Variants in ACSS3 observed in about 807,000 individuals in gnomAD.
ACSS3 encodes acyl-CoA synthetase short chain family member 3.
Under a neutral mutation model 84.2 loss-of-function variants are expected in ACSS3, and 64 were observed. The ratio of observed to expected loss-of-function variants is 0.76; its 90% CI spans 0.62 to 0.94. The LOEUF (loss-of-function observed/expected upper bound fraction) is 0.94, where lower values mean the gene tolerates loss of function less well. ACSS3 is among the 40% of genes least tolerant of loss of function. The pLI, the probability that ACSS3 is intolerant of heterozygous loss-of-function variation, is 0.00. For synonymous variants in ACSS3, 317 were observed against 310.1 expected (o/e 1.02, Z -0.23); for missense variants, 815 against 867.6 (o/e 0.94, Z 0.76).
intron 7 of ACSS3, among the ~76,000 whole-genome samples, chr12:81,160,434 GA>G (rs1414075222): frequency 5.3e-5 from 8 of 152,190 alleles, no homozygotes; most frequent in Admixed American, 5.2e-4. Context: ...GAAAGGTGAG[GA>G]TTTAAAATTC....
chr12:81,165,966 C>G (rs1209214935), intron 7 of ACSS3, among the ~76,000 whole-genome samples: 1 of 152,122 alleles, frequency 6.6e-6, no homozygotes, highest in Non-Finnish European at 1.5e-5. Flanking sequence ...ATTATAAGTA[C>G]AAACTCATGA....
At chr12:81,151,540 G>C (rs979869681) in intron 5 of ACSS3, 4 of 235,410 alleles carry the variant, frequency 1.7e-5, no homozygotes, top group Non-Finnish European at 3.3e-5. Context: ...TTGATAATGT[G>C]TGGTGCCATT....
chr12:81,137,625 T>C (rs1264846827), intron 3 of ACSS3, among the ~76,000 whole-genome samples: 3 of 152,152 alleles, frequency 2.0e-5, no homozygotes, highest in Non-Finnish European at 4.4e-5. Flanking sequence ...AGATCTCCCA[T>C]AAGACTGTTA....
Position 81,214,788 on chromosome 12 carries a change from T to A in ACSS3, c.1355-2113T>A, listed in dbSNP as rs1921059. ...TCATGAGAATCCACACTGTAAGAAC[T>A]GTAGAGAGTTTGAACTCTAGGTAAC... On this transcript the variant is annotated intron_variant, in intron 9 of 15. Transcript: ENST00000548058. 2.0e-3 allele frequency among the ~76,000 whole-genome samples: 300 copies of A among 152,040 alleles called. 1 individual carries two copies. Among genetic ancestry groups the A allele is most frequent in the African/African-American group, 6.8e-3 (280 of 41,452 alleles).
chr12:81,170,873 G>T (rs1373689090), intron 7 of ACSS3, among the ~76,000 whole-genome samples: 1 of 152,050 alleles, frequency 6.6e-6, no homozygotes, highest in Non-Finnish European at 1.5e-5. Flanking sequence ...CTATGTGTGT[G>T]TGCGTGTGCA....
At chr12:81,129,822 G>A (rs542676421) in intron 2 of ACSS3, among the ~76,000 whole-genome samples, 264 of 127,714 alleles carry the variant, frequency 2.1e-3, no homozygotes, top group African/African-American at 7.9e-3. Context: ...TCCCCGCCCT[G>A]TGTCCAAGTG....
intron 1 of ACSS3, among the ~76,000 whole-genome samples, chr12:81,088,306 A>T (rs1260396194): frequency 6.6e-6 from 1 of 152,068 alleles, no homozygotes; most frequent in Non-Finnish European, 1.5e-5. Flanking sequence ...TTTGCAAGTT[A>T]CTGAGATTTT....
chr12:81,153,932 C>T (rs1398229935), intron 7 of ACSS3, among the ~76,000 whole-genome samples: 3 of 152,192 alleles, frequency 2.0e-5, no homozygotes, highest in Non-Finnish European at 4.4e-5. Flanking sequence ...TCATATACTA[C>T]TCTACACTTT....
chr12:81,196,671 A>G (rs2031848233), intron 8 of ACSS3, among the ~76,000 whole-genome samples: 1 of 152,084 alleles, frequency 6.6e-6, no homozygotes, highest in Non-Finnish European at 1.5e-5. Flanking sequence ...TGCAGACTGT[A>G]CAAGAAGCAA....
Position 81,078,160 on chromosome 12 carries a change from G to A in ACSS3, c.40G>A (p.Ala14Thr), listed in dbSNP as rs758825322. The change falls in exon 1 of 16, where the codon GCC (alanine) becomes ACC (threonine). Residue 14 changes from alanine (A) to threonine (T), a missense_variant. Transcript: ENST00000548058. ...SWLQCRKVTS[A>T]GGLGGPLPGS... ...GCTGCAGTGTCGTAAAGTCACCAGC[G>A]CCGGGGGGCTCGGAGGGCCCTTGCC... 4.0e-6 allele frequency: 6 copies of A among 1,516,560 alleles called. No individual in the cohort carries two copies. In the South Asian group the frequency reaches 6.2e-5, roughly 16 times the overall value. 93.9% of individuals were successfully genotyped at this position (1,516,560 alleles called of 1,614,324 possible). A position where few individuals can be genotyped will look rare whatever the true frequency, so the allele number is the denominator to read the frequency against.
At chr12:81,205,317 C>T (rs1353896076) in intron 9 of ACSS3, among the ~76,000 whole-genome samples, 1 of 152,042 alleles carries the variant, frequency 6.6e-6, no homozygotes, top group African/African-American at 2.4e-5. Context: ...CATAGCTTGG[C>T]AAGTTAGAAT....
At chr12:81,236,166 TATGA>T (rs2033624281) in intron 13 of ACSS3, among the ~76,000 whole-genome samples, 2 of 151,492 alleles carry the variant, frequency 1.3e-5, no homozygotes, top group Non-Finnish European at 3.0e-5. Flanking sequence ...TATTTTTAAT[TATGA>T]ATGAATGTTG....
intron 1 of ACSS3, among the ~76,000 whole-genome samples, chr12:81,087,627 C>T (rs559351710): frequency 2.4e-4 from 37 of 151,974 alleles, no homozygotes; most frequent in Non-Finnish European, 4.4e-4. Flanking sequence ...TCCACTTTTG[C>T]GCTAATCTCA....
At chr12:81,130,071 T>A (rs1885390258) in intron 2 of ACSS3, among the ~76,000 whole-genome samples, 1 of 152,222 alleles carries the variant, frequency 6.6e-6, no homozygotes, top group African/African-American at 2.4e-5. Context: ...TTGTGAATAG[T>A]GCCACAATAA....
intron 1 of ACSS3, among the ~76,000 whole-genome samples, chr12:81,095,090 T>C (rs1179987652): frequency 1.3e-5 from 2 of 152,206 alleles, no homozygotes; most frequent in African/African-American, 4.8e-5. Flanking sequence ...CCCTCCTGGT[T>C]CTCTGGATAA....
chr12:81,230,640 C>A (rs991568829), intron 11 of ACSS3, among the ~76,000 whole-genome samples: 5 of 151,790 alleles, frequency 3.3e-5, no homozygotes, highest in African/African-American at 1.2e-4. Context: ...TTCTATTACA[C>A]AGAGAGACAG....
At chr12:81,107,250 G>A (rs908590289) in intron 1 of ACSS3, among the ~76,000 whole-genome samples, 2 of 151,626 alleles carry the variant, frequency 1.3e-5, no homozygotes, top group African/African-American at 2.4e-5. Context: ...AAAACAAGAT[G>A]CAACAAACAT....
At chr12:81,199,974 A>G (rs1296628404) in intron 9 of ACSS3, among the ~76,000 whole-genome samples, 2 of 152,232 alleles carry the variant, frequency 1.3e-5, no homozygotes, top group Non-Finnish European at 2.9e-5. Context: ...TCTGCCTAGC[A>G]TTAAAGGCAG....
intron 2 of ACSS3, among the ~76,000 whole-genome samples, chr12:81,112,587 C>T (rs1717671457): frequency 6.6e-6 from 1 of 152,082 alleles, no homozygotes; most frequent in South Asian, 2.1e-4. Context: ...GCCTCTGATT[C>T]CCCAGGCTTT....
Sources: gnomAD v4.1 joint callset for allele counts (sites outside exome capture counted in the v4.1 genomes callset) on GRCh38, gnomAD v4.1.1 for gene constraint, MANE v1.5 for transcripts, NCBI Gene and HGNC (gene_info 2026-07-23, HGNC 2026-07-21) for gene names.